NPHP3: variants seen among roughly 807,000 people sequenced by gnomAD.
The protein encoded by NPHP3 is nephrocystin-3.
Under a neutral mutation model 171.9 loss-of-function variants are expected in NPHP3, and 123 were observed. That is an observed-to-expected ratio of 0.72 (90% CI 0.62 to 0.83). NPHP3 has a LOEUF of 0.83. NPHP3 is among the 40% of genes least tolerant of loss of function. The pLI is 0.00. For missense variants in NPHP3, 1,506 were observed against 1,591.9 expected, an observed-to-expected ratio of 0.95 and a Z score of 0.92; for synonymous variants, 558 against 579.2, an observed-to-expected ratio of 0.96 and a Z score of 0.52.
Position 132,682,005 on chromosome 3 carries a change from C to T in NPHP3, c.3898G>A (p.Gly1300Arg), listed in dbSNP as rs774681590. The T allele has an allele frequency of 5.6e-6, 9 of 1,613,854 alleles. No individual in the cohort carries two copies. Among genetic ancestry groups the T allele is most frequent in the Non-Finnish European group, 6.8e-6 (8 of 1,179,900 alleles). Reference protein sequence around the residue: ...IKEAETSLLGGKAPSRHSSSG... With the variant: ...IKEAETSLLGRKAPSRHSSSG... ...GATGAATGGCGTGAAGGAGCTTTTC[C>T]ACCCAAGAGTGATGTTTCTGCTTCT... Residue 1300 changes from glycine (G) to arginine (R), a missense_variant, in exon 27 of 27, where the codon GGA (glycine) becomes AGA (arginine). By Grantham distance (125) the Gly-to-Arg change is moderately radical. This residue lies in a region of NPHP3 where 569 missense variants were observed against 648.1 expected (regional missense o/e 0.88). Transcript: ENST00000337331.
At chr3:132,707,763 C>G (rs1939792847) in intron 7 of NPHP3, among the ~76,000 whole-genome samples, 1 of 152,148 alleles carries the variant, frequency 6.6e-6, no homozygotes, top group Non-Finnish European at 1.5e-5. Flanking sequence ...CAATGGCTCT[C>G]AGACTCTGCA....
At chr3:132,717,182 G>T (rs908629826) in intron 3 of NPHP3, 2 of 362,964 alleles carry the variant, frequency 5.5e-6, no homozygotes, top group Non-Finnish European at 1.0e-5. Context: ...ATAATAAGAA[G>T]GAAGTTAAAA....
chr3:132,720,188 CTG>C (rs949225064), intron 1 of NPHP3, among the ~76,000 whole-genome samples: 6 of 152,244 alleles, frequency 3.9e-5, no homozygotes, highest in African/African-American at 1.4e-4. Flanking sequence ...TTCTAAGAGA[CTG>C]TGTGCCTGTT....
intron 10 of NPHP3, 32 bp downstream of exon 10, chr3:132,701,398 G>T: frequency 7.1e-7 from 1 of 1,416,030 alleles, no homozygotes; most frequent in South Asian, 1.2e-5. Context: ...TTCAAACAAT[G>T]ACAACAATAA....
rs113913792 is a variant in NPHP3 at position 132,717,053 on chromosome 3, C to T, written c.671-144G>A. ...AATGATTTTGAAAATACTTTGCCAT[C>T]GACTTTTGGCAAAGTTCAAAGATAC... On this transcript the variant is annotated intron_variant, in intron 3 of 26. Coordinates refer to ENST00000337331, the MANE Select transcript of NPHP3 (RefSeq NM_153240.5). 2.5e-3 allele frequency: 2,114 copies of T among 862,344 alleles called. 35 individuals carry two copies. In the African/African-American group the frequency reaches 0.03, roughly 12 times the overall value. The allele number at this position is 862,344 out of a possible 1,614,324, so 53.4% of individuals were successfully genotyped here.
At chr3:132,720,381 G>C (rs1220937855) in intron 1 of NPHP3, among the ~76,000 whole-genome samples, 1 of 152,354 alleles carries the variant, frequency 6.6e-6, no homozygotes, top group East Asian at 1.9e-4. Flanking sequence ...TGACATGAGT[G>C]ACTGTGACAC....
intron 4 of NPHP3, among the ~76,000 whole-genome samples, chr3:132,716,499 C>A (rs1344205230): frequency 6.6e-6 from 1 of 152,128 alleles, no homozygotes; most frequent in African/African-American, 2.4e-5. Context: ...ACTAAAACAC[C>A]AGAGAATTCA....
At chr3:132,688,925 T>C (rs747376233) in intron 20 of NPHP3, 34 bp from the exon 21 acceptor site, 4 of 1,613,764 alleles carry the variant, frequency 2.5e-6, no homozygotes, top group Non-Finnish European at 2.5e-6. Flanking sequence ...CCAGTTAAAG[T>C]GAGTGAAATG....
chr3:132,721,699 G>C (rs1164385086), intron 1 of NPHP3: 1 of 660,230 alleles, frequency 1.5e-6, no homozygotes, highest in East Asian at 3.0e-5. Context: ...AACTTTAGGA[G>C]GCCGAGGCGG....
rs35485382 is a variant in NPHP3 at position 132,681,990 on chromosome 3, G to A, written c.3913C>T (p.Arg1305Cys). Residue 1305 changes from arginine to cysteine, a missense_variant, in exon 27 of 27, where the codon CGC becomes TGC. Transcript: ENST00000337331. ...AACGTGTCTCCACTTGATGAATGGC[G>A]TGAAGGAGCTTTTCCACCCAAGAGT... ...TSLLGGKAPS[R>C]HSSSGDTFSL... The A allele has an allele frequency of 3.0e-3, 4,770 of 1,613,880 alleles. 133 individuals carry two copies. In the African/African-American group the frequency reaches 0.057, roughly 19 times the overall value.
intron 16 of NPHP3, chr3:132,693,282 T>C (rs567825303): frequency 5.7e-6 from 1 of 174,142 alleles, no homozygotes; most frequent in Non-Finnish European, 1.2e-5. Context: ...CTGCTGGCTA[T>C]GGGGGCAGTG....
At chr3:132,686,655 T>C (rs927197058) in intron 22 of NPHP3, among the ~76,000 whole-genome samples, 1 of 152,166 alleles carries the variant, frequency 6.6e-6, no homozygotes, top group African/African-American at 2.4e-5. Context: ...CAAGAAATAA[T>C]AGAATATAAT....
In NPHP3 at chr3:132,694,611, T is replaced by C. The variant is rs561228910; in HGVS notation, c.2310+216A>G. 2.0e-5 allele frequency among the ~76,000 whole-genome samples: 3 copies of C among 152,098 alleles called. No homozygotes were observed. The East Asian group carries it at 5.8e-4, about 29-fold the overall frequency. On this transcript the variant is annotated intron_variant, in intron 16 of 26. Transcript: ENST00000337331. ...AATGGGTAAAGACCTGAACCAGCAA[T>C]TCAGAAAAAAAGGATAGCCAATAAC...
At chr3:132,721,789 A>AG (rs2108007031) in intron 1 of NPHP3, 174 bp downstream of exon 1, 1 of 881,510 alleles carries the variant, frequency 1.1e-6, no homozygotes, top group African/African-American at 1.6e-5. Flanking sequence ...CTCCAAAAAA[A>AG]GAGACAGAAA....
At chr3:132,700,175 C>A in intron 11 of NPHP3, 114 bp from the exon 12 acceptor site, 2 of 1,296,838 alleles carry the variant, frequency 1.5e-6, no homozygotes, top group South Asian at 2.5e-5. Flanking sequence ...AATCAAGTCA[C>A]CAAGAGGACC....
intron 8 of NPHP3, 84 bp from the exon 9 acceptor site, chr3:132,704,455 C>T (rs1939695350): frequency 2.1e-6 from 3 of 1,459,024 alleles, no homozygotes; most frequent in African/African-American, 1.4e-5. Context: ...AAGTGGGCTT[C>T]ACCTACTTTT....
Position 132,715,079 on chromosome 3 carries a change from C to T in NPHP3, c.957+6G>A. ...TGGTTGATACAGAATTTATAAATATCCTCACCTTAAGGAAAAGATCCATCT... is the reference window on the plus strand; with the variant it reads ...TGGTTGATACAGAATTTATAAATATTCTCACCTTAAGGAAAAGATCCATCT... On this transcript the variant is annotated splice_donor_region_variant and intron_variant, in intron 5 of 26. Transcript: ENST00000337331. The T allele has an allele frequency of 2.5e-6, 4 of 1,608,060 alleles. No homozygotes were observed. Among genetic ancestry groups the T allele is most frequent in the Non-Finnish European group, 3.4e-6 (4 of 1,175,016 alleles).
rs200951136 is a variant in NPHP3 at position 132,682,126 on chromosome 3, A to C, written c.3813-36T>G. ...GAAAACAAAAACTCTTAAAATGAGA[A>C]TATAACCTCTTACCAATTCAAAATG... is the stretch of plus-strand genomic sequence containing the variant. On this transcript the variant is annotated intron_variant, in intron 26 of 26. Transcript: ENST00000337331. 62 of 1,568,084 alleles carry C rather than the reference A, an allele frequency of 4.0e-5. No homozygotes were observed. In the East Asian group the frequency reaches 8.5e-4, roughly 22 times the overall value.
In NPHP3 at chr3:132,696,804, G is replaced by A. The variant is rs763195408; in HGVS notation, c.2098C>T (p.Leu700=). ...GTAGCAGAACGACAGTGTCGTTCTA[G>A]CTTCTTCTCCTGCACCAGTTTACCA... is the stretch of plus-strand genomic sequence containing the variant. ...IKLSKEQEKK[L]ERHCRSATTC... The change falls in exon 15 of 27, where the codon CTA becomes TTA. Residue 700 remains leucine (L), a synonymous_variant. Coordinates refer to ENST00000337331, the MANE Select transcript of NPHP3 (RefSeq NM_153240.5). The A allele has an allele frequency of 1.1e-5, 17 of 1,613,590 alleles. No homozygotes were observed. The highest frequency in any genetic ancestry group is 1.4e-5 in the Non-Finnish European group (17 of 1,179,630).
Sources: gnomAD v4.1 joint callset for allele counts (sites outside exome capture counted in the v4.1 genomes callset) on GRCh38, gnomAD v4.1.1 for gene constraint, gnomAD v4.1.1 regional missense constraint, MANE v1.5 for transcripts, NCBI Gene and HGNC (gene_info 2026-07-23, HGNC 2026-07-21) for gene names.